Variants in TIAM2 observed in about 807,000 individuals in gnomAD.
TIAM2 encodes the protein rho guanine nucleotide exchange factor TIAM2.
TIAM2 carries 80 observed loss-of-function variants against 152.9 expected under a neutral mutation model. That is an observed-to-expected ratio of 0.52 (90% confidence interval 0.44 to 0.63). The LOEUF (loss-of-function observed/expected upper bound fraction) is 0.63, where lower values mean the gene tolerates loss of function less well. Among genes scored for constraint, TIAM2 ranks in the 30% least tolerant of loss-of-function variants. TIAM2 has a pLI of 0.00. For synonymous variants in TIAM2, 804 were observed against 838.0 expected, an observed-to-expected ratio of 0.96 and a Z score of 0.70; for missense variants, 1,965 against 2,120.1, an observed-to-expected ratio of 0.93 and a Z score of 1.44.
chr6:155,026,911 T>C (rs1181389836), intron 1 of TIAM2, among the ~76,000 whole-genome samples: 2 of 152,164 alleles, frequency 1.3e-5, no homozygotes, highest in African/African-American at 4.8e-5. Flanking sequence ...AGAAAAACTG[T>C]TCATTTGTTA....
intron 1 of TIAM2, among the ~76,000 whole-genome samples, chr6:155,025,841 CACACACACACACACACACACACA>C (rs1776590994): frequency 9.5e-6 from 1 of 105,748 alleles, no homozygotes; most frequent in African/African-American, 3.5e-5. Context: ...CACACACACA[CACACACACACACACACACACACA>C]CACACACACA....
chr6:155,094,417 T>A, intron 2 of TIAM2, among the ~76,000 whole-genome samples: 1 of 152,090 alleles, frequency 6.6e-6, no homozygotes, highest in East Asian at 1.9e-4. Flanking sequence ...AGTTTCAAAC[T>A]TCAAGAAAAA....
At position 155,006,047 on chromosome 6, in the gene TIAM2, G is replaced by A. The variant is rs1253987882; in HGVS notation, c.-209+10555G>A. Among the ~76,000 whole-genome samples the A allele has an allele frequency of 2.0e-5, 3 of 152,350 alleles. No individual in the cohort carries two copies. The East Asian group carries it at 5.8e-4, about 29-fold the overall frequency. ...ACTGACTGACTAGTTCTTGGATCGA[G>A]CCGCCTGCCTCTGGGTCCTCGAGCC... is the stretch of plus-strand genomic sequence containing the variant. On this transcript the variant is annotated intron_variant, in intron 1 of 26. Transcript: ENST00000682666.
chr6:155,257,655 G>C lies in TIAM2; in HGVS notation c.*534G>C. On this transcript the variant is annotated 3_prime_UTR_variant, in exon 27 of 27. Coordinates refer to ENST00000682666, the MANE Select transcript of TIAM2 (RefSeq NM_012454.4). ...TACAGTATATATTAAAAGAAAGCTT[G>C]TACTGTATCTTATTTGATGATATTT... 1.5e-6 allele frequency: 1 copy of C among 650,468 alleles called. No homozygotes were observed. Among genetic ancestry groups the C allele is most frequent in the Non-Finnish European group, 2.6e-6 (1 of 382,820 alleles). 40.3% of individuals were successfully genotyped at this position (650,468 alleles called of 1,614,324 possible). A position where few individuals can be genotyped will look rare whatever the true frequency, so the allele number is the denominator to read the frequency against.
intron 14 of TIAM2, among the ~76,000 whole-genome samples, chr6:155,183,997 A>G (rs4870363): frequency 1.3e-5 from 2 of 150,716 alleles, no homozygotes; most frequent in Non-Finnish European, 3.0e-5. Flanking sequence ...TTTTATTTTT[A>G]TTTTTTTTTG....
intron 14 of TIAM2, among the ~76,000 whole-genome samples, chr6:155,203,124 G>A (rs1583247222): frequency 1.3e-5 from 2 of 150,026 alleles, no homozygotes; most frequent in African/African-American, 4.9e-5. Flanking sequence ...TGTTTGTACT[G>A]TGAGAACTGG....
At position 155,256,757 on chromosome 6, in the gene TIAM2, A is replaced by T. The variant is rs1315956239; in HGVS notation, c.4742A>T (p.Gln1581Leu). The change falls in exon 27 of 27, where the codon CAG becomes CTG. Residue 1581 changes from glutamine (Q) to leucine (L), a missense_variant. Transcript: ENST00000682666. ...EDDDHRQTVK[Q>L]GSPTKDIEIQ... ...GATGACCACCGTCAGACTGTGAAGC[A>T]GGGCAGCCCTACTAAAGACATCGAA... 1.9e-6 allele frequency: 3 copies of T among 1,614,244 alleles called. No individual in the cohort carries two copies. In the Admixed American group the frequency reaches 5.0e-5, roughly 27 times the overall value.
At chr6:155,006,242 C>T (rs1054866987) in intron 1 of TIAM2, among the ~76,000 whole-genome samples, 2 of 152,196 alleles carry the variant, frequency 1.3e-5, no homozygotes, top group East Asian at 1.9e-4. Flanking sequence ...ACCAGATACA[C>T]TCTAATGCTG....
At chr6:155,070,392 T>C (rs1348086900) in intron 1 of TIAM2, among the ~76,000 whole-genome samples, 1 of 151,316 alleles carries the variant, frequency 6.6e-6, no homozygotes, top group African/African-American at 2.4e-5. Context: ...AATTTTTGTA[T>C]TTTTAGTAGA....
intron 14 of TIAM2, among the ~76,000 whole-genome samples, chr6:155,201,296 C>T (rs566315517): frequency 1.3e-5 from 2 of 152,322 alleles, no homozygotes; most frequent in South Asian, 4.1e-4. Flanking sequence ...TAGGTTTCTT[C>T]TCAAAGTCTT....
At chr6:155,196,058 T>C (rs190703738) in intron 14 of TIAM2, among the ~76,000 whole-genome samples, 65 of 152,210 alleles carry the variant, frequency 4.3e-4, no homozygotes, top group African/African-American at 1.4e-3. Context: ...GATCACTGAG[T>C]GTTGCTGAAA....
At chr6:154,999,651 C>A (rs903545220) in intron 1 of TIAM2, among the ~76,000 whole-genome samples, 1 of 152,050 alleles carries the variant, frequency 6.6e-6, no homozygotes, top group Non-Finnish European at 1.5e-5. Context: ...TAAATGTCAC[C>A]GGCCTCAGTT....
intron 1 of TIAM2, among the ~76,000 whole-genome samples, chr6:155,028,615 T>C (rs1162143419): frequency 8.2e-6 from 1 of 121,484 alleles, no homozygotes; most frequent in Non-Finnish European, 1.6e-5. Context: ...TTATATATAC[T>C]ACATATAATA....
chr6:155,152,674 C>G (rs897935170), intron 7 of TIAM2, among the ~76,000 whole-genome samples: 1 of 152,114 alleles, frequency 6.6e-6, no homozygotes. Flanking sequence ...TCAAAAATCT[C>G]ATCCTGACCA....
At chr6:155,036,182 G>A (rs1776918013) in intron 1 of TIAM2, among the ~76,000 whole-genome samples, 2 of 152,160 alleles carry the variant, frequency 1.3e-5, no homozygotes, top group Admixed American at 1.3e-4. Context: ...AGGAAGGGAG[G>A]AGGGTAGTAA....
chr6:155,070,208 ACTTTTTTTTTT>A (rs1319363208), intron 1 of TIAM2, among the ~76,000 whole-genome samples: 17 of 79,352 alleles, frequency 2.1e-4, no homozygotes, highest in African/African-American at 1.1e-3. Context: ...GCCTGGCCAG[ACTTTTTTTTTT>A]TTTTTTTTTT....
chr6:155,205,144 GA>G (rs1431286121), intron 14 of TIAM2, among the ~76,000 whole-genome samples: 1 of 124,800 alleles, frequency 8.0e-6, no homozygotes, highest in Admixed American at 1.0e-4. Flanking sequence ...AATTCTGGGG[GA>G]TACATTCAAA....
chr6:155,040,298 T>C (rs1272663016), intron 1 of TIAM2, among the ~76,000 whole-genome samples: 1 of 152,160 alleles, frequency 6.6e-6, no homozygotes, highest in Non-Finnish European at 1.5e-5. Flanking sequence ...TGGGAATTCT[T>C]CCATGTGGCT....
At chr6:155,101,634 A>G (rs1055658615) in intron 2 of TIAM2, among the ~76,000 whole-genome samples, 2 of 152,202 alleles carry the variant, frequency 1.3e-5, no homozygotes, top group African/African-American at 4.8e-5. Flanking sequence ...AGAATATGGA[A>G]GGAGTTTTTA....
Sources: gnomAD v4.1 joint callset for allele counts (sites outside exome capture counted in the v4.1 genomes callset) on GRCh38, gnomAD v4.1.1 for gene constraint, MANE v1.5 for transcripts, NCBI Gene and HGNC (gene_info 2026-07-23, HGNC 2026-07-21) for gene names.